The following SND1 variants were observed in gnomAD, a reference collection of about 807,000 sequenced individuals.
The protein encoded by SND1 is staphylococcal nuclease and tudor domain containing 1.
A neutral mutation model predicts 121.7 loss-of-function variants in SND1; 38 were observed. That is an observed-to-expected ratio of 0.31 (90% CI 0.24 to 0.41). The LOEUF (loss-of-function observed/expected upper bound fraction) is 0.41, where lower values mean the gene tolerates loss of function less well. Among genes scored for constraint, SND1 ranks in the 10% least tolerant of loss-of-function variants. The pLI, the probability that SND1 is intolerant of heterozygous loss-of-function variation, is 1.00. For synonymous variants in SND1, 401 were observed against 447.4 expected, an observed-to-expected ratio of 0.90 and a Z score of 1.31; for missense variants, 868 against 1,184.6, an observed-to-expected ratio of 0.73 and a Z score of 3.92.
chr7:127,827,329 A>G (rs1798660422), intron 11 of SND1, among the ~76,000 whole-genome samples: 1 of 152,240 alleles, frequency 6.6e-6, no homozygotes, highest in Admixed American at 6.5e-5. Context: ...AAAAATTTAA[A>G]TATTGATCAT....
At chr7:127,791,791 G>A (rs908842452) in intron 10 of SND1, among the ~76,000 whole-genome samples, 3 of 152,140 alleles carry the variant, frequency 2.0e-5, no homozygotes, top group African/African-American at 7.2e-5. Flanking sequence ...CATTTTGCTG[G>A]TATTTTGGGC....
At chr7:127,662,968 G>A (rs1185198959) in intron 1 of SND1, among the ~76,000 whole-genome samples, 1 of 143,580 alleles carries the variant, frequency 7.0e-6, no homozygotes, top group African/African-American at 2.6e-5. Context: ...ATGGCTTACT[G>A]CAGCCTCAAC....
At chr7:127,763,548 T>C (rs1260117251) in intron 10 of SND1, among the ~76,000 whole-genome samples, 1 of 152,150 alleles carries the variant, frequency 6.6e-6, no homozygotes, top group Non-Finnish European at 1.5e-5. Context: ...GGTCTCACTT[T>C]GTTGCCTAGG....
At chr7:127,850,515 C>CT (rs1369180781) in intron 12 of SND1, among the ~76,000 whole-genome samples, 1 of 152,146 alleles carries the variant, frequency 6.6e-6, no homozygotes, top group Admixed American at 6.5e-5. Context: ...ATAGCCAACC[C>CT]TTTTTCCCCA....
intron 22 of SND1, among the ~76,000 whole-genome samples, chr7:128,090,205 G>A (rs1262631559): frequency 6.6e-6 from 1 of 152,196 alleles, no homozygotes; most frequent in East Asian, 1.9e-4. Context: ...GGAGAAGCCA[G>A]CCTCCTGAGC....
intron 9 of SND1, among the ~76,000 whole-genome samples, chr7:127,715,276 T>G (rs1255480635): frequency 6.6e-6 from 1 of 152,220 alleles, no homozygotes; most frequent in Non-Finnish European, 1.5e-5. Context: ...CCTGTGCATT[T>G]GCATATCTTC....
intron 12 of SND1, among the ~76,000 whole-genome samples, chr7:127,868,851 G>T (rs187522079): frequency 2.8e-4 from 43 of 152,154 alleles, no homozygotes; most frequent in Non-Finnish European, 5.0e-4. Context: ...ACTTTAGTTT[G>T]TGGGTATTTT....
At chr7:127,879,190 T>C (rs112320081) in intron 12 of SND1, among the ~76,000 whole-genome samples, 1,767 of 152,280 alleles carry the variant, frequency 0.012, 26 homozygotes, top group Non-Finnish European at 0.015. Flanking sequence ...CTCTCAACTA[T>C]AATTTTTGCC....
chr7:127,709,888 C>A lies in SND1; in HGVS notation c.1038+2241C>A, dbSNP rs77343946. On this transcript the variant is annotated intron_variant, in intron 9 of 23. Transcript: ENST00000354725. The stretch of plus-strand genomic sequence containing the variant: ...TTTTAAAACTTGACTTTTAAAAATT[C>A]TTTAGCATTCGTTTTGCTTTTAAAA... Among the ~76,000 whole-genome samples, 516 of 152,004 alleles carry A rather than the reference C, an allele frequency of 3.4e-3. 5 individuals are homozygous for A. Among genetic ancestry groups the A allele is most frequent in the African/African-American group, 0.012 (498 of 41,442 alleles).
chr7:127,972,261 G>A (rs1401819882), intron 15 of SND1, among the ~76,000 whole-genome samples: 16 of 151,850 alleles, frequency 1.1e-4, no homozygotes, highest in Admixed American at 1.0e-3. Context: ...GGGCGGTGAG[G>A]GGGGTTGTTT....
intron 15 of SND1, among the ~76,000 whole-genome samples, chr7:127,956,152 A>G (rs1426732114): frequency 6.6e-6 from 1 of 152,168 alleles, no homozygotes; most frequent in African/African-American, 2.4e-5. Flanking sequence ...TTATCTCCAT[A>G]TGCCCAATCC....
intron 6 of SND1, among the ~76,000 whole-genome samples, chr7:127,702,891 A>G (rs1431604701): frequency 1.3e-5 from 2 of 152,150 alleles, no homozygotes; most frequent in African/African-American, 4.8e-5. Context: ...AGCACTGGCA[A>G]GTCTTTTTTT....
At chr7:127,774,325 A>T (rs1797574971) in intron 10 of SND1, among the ~76,000 whole-genome samples, 1 of 152,230 alleles carries the variant, frequency 6.6e-6, no homozygotes. Context: ...TTAAAATTGA[A>T]AGTTTATAAA....
rs548934978 is a variant in SND1, at chr7:127,827,686, C to G, written c.1243-16638C>G. 5.3e-5 allele frequency among the ~76,000 whole-genome samples: 8 copies of G among 152,140 alleles called. No homozygotes were observed. In the East Asian group the frequency reaches 1.5e-3, roughly 29 times the overall value. ...AGGAATTATAGCAGATGTCACTAAT[C>G]AAATACTTATTAGATCTGATATGGC... On this transcript the variant is annotated intron_variant, in intron 11 of 23. Transcript: ENST00000354725.
intron 3 of SND1, among the ~76,000 whole-genome samples, chr7:127,695,185 A>T (rs1795985964): frequency 6.6e-6 from 1 of 152,196 alleles, no homozygotes; most frequent in South Asian, 2.1e-4. Flanking sequence ...AGGTGCATGT[A>T]GTATAGAGTT....
At chr7:127,747,726 A>T (rs1772062979) in intron 10 of SND1, among the ~76,000 whole-genome samples, 1 of 152,242 alleles carries the variant, frequency 6.6e-6, no homozygotes, top group South Asian at 2.1e-4. Flanking sequence ...ATTTTTCAGG[A>T]CATGCCACTA....
At chr7:127,821,830 T>G (rs1395924056) in intron 11 of SND1, among the ~76,000 whole-genome samples, 1 of 152,204 alleles carries the variant, frequency 6.6e-6, no homozygotes, top group Non-Finnish European at 1.5e-5. Context: ...AATTTGGTTG[T>G]TTTATTGCCG....
intron 18 of SND1, among the ~76,000 whole-genome samples, chr7:128,082,357 C>A (rs1793619723): frequency 6.6e-6 from 1 of 152,216 alleles, no homozygotes; most frequent in Admixed American, 6.5e-5. Context: ...CTTGGGCAGT[C>A]CCCCAGATGG....
intron 16 of SND1, among the ~76,000 whole-genome samples, chr7:128,059,569 T>G (rs907579199): frequency 3.3e-5 from 5 of 152,230 alleles, no homozygotes; most frequent in Non-Finnish European, 7.3e-5. Context: ...AATCATTTTT[T>G]GAATGTTGTC....
Sources: allele counts gnomAD v4.1 joint callset (sites outside exome capture counted in the v4.1 genomes callset), GRCh38; gene constraint gnomAD v4.1.1; transcripts MANE v1.5; gene names NCBI Gene and HGNC (gene_info 2026-07-23, HGNC 2026-07-21).